The following C2orf49 variants were observed in gnomAD, a reference collection of about 807,000 sequenced individuals.
The protein encoded by C2orf49 is tRNA splicing ligase complex subunit 2, also known as tRNA-splicing ligase complex subunit ASW.
In C2orf49, 11 loss-of-function variants were observed where a neutral mutation model predicts 20.6. The ratio of observed to expected loss-of-function variants is 0.53; its 90% CI spans 0.34 to 0.88. The LOEUF is 0.88. Among genes scored for constraint, C2orf49 ranks in the 40% least tolerant of loss-of-function variants. C2orf49 has a pLI of 0.02. For synonymous variants in C2orf49, 134 were observed against 108.5 expected, an observed-to-expected ratio of 1.24 and a Z score of -1.46; for missense variants, 289 against 274.2, an observed-to-expected ratio of 1.05 and a Z score of -0.38.
intron 1 of C2orf49, 51 bp from the exon 2 acceptor site, chr2:105,339,532 G>C: frequency 6.5e-7 from 1 of 1,543,046 alleles, no homozygotes; most frequent in African/African-American, 1.4e-5. Flanking sequence ...GTGGTTACTT[G>C]TTAAAATTAA....
intron 3 of C2orf49, among the ~76,000 whole-genome samples, chr2:105,344,879 T>C (rs1439969680): frequency 6.6e-6 from 1 of 152,074 alleles, no homozygotes; most frequent in East Asian, 1.9e-4. Flanking sequence ...GCCCAGCCTA[T>C]TTGCATTGAC....
chr2:105,354,117 A>C (rs1027962401), downstream of C2orf49, among the ~76,000 whole-genome samples: 2 of 152,198 alleles, frequency 1.3e-5, no homozygotes, highest in Non-Finnish European at 2.9e-5. Flanking sequence ...TATTAACACC[A>C]CTGAGTTCTT....
the C2orf49 span, chr2:105,376,770 T>C: frequency 6.6e-6 from 1 of 152,270 alleles, no homozygotes; most frequent in African/African-American, 2.4e-5. Flanking sequence ...GCCAGATGTC[T>C]ATCAATAGGT....
chr2:105,337,567 T>G lies in C2orf49; in HGVS notation c.-21T>G, dbSNP rs780236786. On this transcript the variant is annotated 5_prime_UTR_variant, in exon 1 of 4. Transcript: ENST00000258457. ...TCGCGGGGCTTTGTGGGTAGCCGAC[T>G]GGGGTCTCCTGGCGACGACCATGGC... 15 of 1,613,176 alleles carry G rather than the reference T, an allele frequency of 9.3e-6. No individual in the cohort carries two copies. The East Asian group carries it at 2.9e-4, about 31-fold the overall frequency.
Position 105,343,155 on chromosome 2 carries a change from T to C in C2orf49, c.574T>C (p.Leu192=). 1.2e-6 allele frequency: 2 copies of C among 1,614,058 alleles called. No homozygotes were observed. The highest frequency in any genetic ancestry group is 1.7e-6 in the Non-Finnish European group (2 of 1,179,990). Residue 192 remains leucine, a synonymous_variant, in exon 3 of 4, where the codon TTG becomes CTG. Coordinates refer to ENST00000258457, the MANE Select transcript of C2orf49 (RefSeq NM_024093.3). ...TTCAGGCCCTGTGAAGTCGCCACCA[T>C]TGTCCCCTGTTGGAACTACTCCAGT... ...SPSGPVKSPP[L]SPVGTTPVKL... is the part of the protein sequence containing the mutation.
intron 2 of C2orf49, 62 bp downstream of exon 2, chr2:105,339,811 T>C (rs528796845): frequency 7.2e-5 from 100 of 1,380,230 alleles, no homozygotes; most frequent in Non-Finnish European, 9.2e-5. Flanking sequence ...ATATAAGTTA[T>C]TGATTTTTCC....
downstream of C2orf49, among the ~76,000 whole-genome samples, chr2:105,353,346 A>G (rs146200028): frequency 4.8e-3 from 730 of 152,310 alleles, 2 homozygotes; most frequent in Non-Finnish European, 7.4e-3. Context: ...AAATGCATAA[A>G]TGCTAATAGA....
chr2:105,337,842 C>T (rs1679545756), intron 1 of C2orf49, among the ~76,000 whole-genome samples, 156 bp downstream of exon 1: 2 of 152,264 alleles, frequency 1.3e-5, no homozygotes, highest in Middle Eastern at 6.8e-3. Flanking sequence ...TCTCCTCGCT[C>T]CTGCTCCTCG....
the C2orf49 span, chr2:105,378,071 C>G: frequency 6.4e-6 from 3 of 471,080 alleles, no homozygotes; most frequent in Non-Finnish European, 1.3e-5. Context: ...ACAGCCAGTG[C>G]TCCGGTCATT....
chr2:105,367,081 A>T, the C2orf49 span, among the ~76,000 whole-genome samples: 1 of 152,160 alleles, frequency 6.6e-6, no homozygotes, highest in Non-Finnish European at 1.5e-5. Context: ...GCCAGAGTAG[A>T]TACATTTAAT....
At chr2:105,373,772 C>A in the C2orf49 span, 5 of 1,610,180 alleles carry the variant, frequency 3.1e-6, no homozygotes, top group Non-Finnish European at 4.2e-6. Flanking sequence ...AGAGGCAGGA[C>A]AGGAGGGCTT....
At chr2:105,374,729 C>T in the C2orf49 span, among the ~76,000 whole-genome samples, 1 of 152,150 alleles carries the variant, frequency 6.6e-6, no homozygotes, top group Non-Finnish European at 1.5e-5. Context: ...AAATGACATA[C>T]GGCATTTTTA....
chr2:105,375,008 G>C, the C2orf49 span, among the ~76,000 whole-genome samples: 1 of 152,218 alleles, frequency 6.6e-6, no homozygotes, highest in African/African-American at 2.4e-5. Context: ...TGAAACCGAA[G>C]TCGAAGCTGG....
chr2:105,361,688 G>A, the C2orf49 span, among the ~76,000 whole-genome samples: 2 of 152,314 alleles, frequency 1.3e-5, no homozygotes, highest in East Asian at 3.9e-4. Flanking sequence ...AAAGAATGCT[G>A]ACTGTGTATT....
chr2:105,364,723 A>T, the C2orf49 span, among the ~76,000 whole-genome samples: 1 of 152,206 alleles, frequency 6.6e-6, no homozygotes, highest in African/African-American at 2.4e-5. Context: ...TGAACATTTC[A>T]GTATCATGCA....
Position 105,339,585 on chromosome 2 carries a change from G to A in C2orf49, c.102G>A (p.Lys34=). 6.3e-7 allele frequency: 1 copy of A among 1,583,526 alleles called. No homozygotes were observed. The highest frequency in any genetic ancestry group is 8.5e-7 in the Non-Finnish European group (1 of 1,172,456). ...TACTTTTGTTTCCTTTCCCGCAGAAGAACATAGCTGTTGAAACTGATGTAA... is the reference window on the plus strand; with the variant it reads ...TACTTTTGTTTCCTTTCCCGCAGAAAAACATAGCTGTTGAAACTGATGTAA... ...QEFLLLTLEQ[K]NIAVETDVRV... The change falls in exon 2 of 4, where the codon AAG becomes AAA. Residue 34 remains lysine (K), a splice_region_variant and synonymous_variant. Transcript: ENST00000258457.
the C2orf49 span, among the ~76,000 whole-genome samples, chr2:105,384,343 T>C: frequency 6.6e-6 from 1 of 152,078 alleles, no homozygotes; most frequent in East Asian, 1.9e-4. Context: ...TTCTGAAAGG[T>C]GTGTGGAAGG....
At chr2:105,382,236 C>T in the C2orf49 span, among the ~76,000 whole-genome samples, 5 of 152,068 alleles carry the variant, frequency 3.3e-5, no homozygotes, top group Non-Finnish European at 5.9e-5. Context: ...TAATCATCAC[C>T]ATCTAAAGGG....
the C2orf49 span, among the ~76,000 whole-genome samples, chr2:105,383,204 G>T: frequency 6.6e-6 from 1 of 152,170 alleles, no homozygotes; most frequent in Non-Finnish European, 1.5e-5. Context: ...TCTTTAGTTG[G>T]TTGAATTTTT....
Sources: allele counts gnomAD v4.1 joint callset (sites outside exome capture counted in the v4.1 genomes callset), GRCh38; gene constraint gnomAD v4.1.1; transcripts MANE v1.5; gene names NCBI Gene and HGNC (gene_info 2026-07-23, HGNC 2026-07-21).